Variants in NEK7 observed in about 807,000 individuals in gnomAD.
NEK7 encodes NIMA related kinase 7.
NEK7 carries 18 observed loss-of-function variants against 44.6 expected under a neutral mutation model. The ratio of observed to expected loss-of-function variants is 0.40; its 90% CI spans 0.28 to 0.60. The LOEUF is 0.60. NEK7 is among the 20% of genes least tolerant of loss of function. The pLI is 0.38. For synonymous variants in NEK7, 130 were observed against 121.1 expected (o/e 1.07, Z -0.48); for missense variants, 256 against 366.5 (o/e 0.70, Z 2.46).
chr1:198,249,461 G>A (rs1309394584), intron 2 of NEK7, among the ~76,000 whole-genome samples: 2 of 151,694 alleles, frequency 1.3e-5, no homozygotes, highest in Non-Finnish European at 2.9e-5. Context: ...CTGAGGAATC[G>A]CCACACTGAC....
At chr1:198,317,877 A>ATTT (rs34704209) in intron 9 of NEK7, among the ~76,000 whole-genome samples, 14,899 of 68,654 alleles carry the variant, frequency 0.22, 1,734 homozygotes, top group Non-Finnish European at 0.28. Context: ...GGATATATTT[A>ATTT]TTTTTTTTTT....
At chr1:198,317,482 G>A (rs935217009) in intron 9 of NEK7, among the ~76,000 whole-genome samples, 3 of 152,126 alleles carry the variant, frequency 2.0e-5, no homozygotes, top group Admixed American at 6.5e-5. Flanking sequence ...TCAACTAAAC[G>A]TGCATCATTA....
intron 3 of NEK7, chr1:198,256,299 T>C (rs1653260709): frequency 6.4e-7 from 1 of 1,551,348 alleles, no homozygotes; most frequent in Non-Finnish European, 8.7e-7. Flanking sequence ...TAACAAAGGA[T>C]GTGTTCAGCT....
Position 198,230,483 on chromosome 1 carries a change from T to G in NEK7, c.-28-2070T>G, listed in dbSNP as rs377731709. Among the ~76,000 whole-genome samples the G allele has an allele frequency of 8.0e-5, 12 of 150,906 alleles. No individual in the cohort carries two copies. In the East Asian group the frequency reaches 1.3e-3, roughly 17 times the overall value. ...TTTTTAATAAAAATCTAACATCTAT[T>G]CTTTGTAAAAACTTCCAGCAAACAA... is the stretch of plus-strand genomic sequence containing the variant. On this transcript the variant is annotated intron_variant, in intron 1 of 9. Transcript: ENST00000367385.
chr1:198,248,213 T>C (rs373819353), intron 2 of NEK7, among the ~76,000 whole-genome samples: 3 of 152,316 alleles, frequency 2.0e-5, no homozygotes, highest in East Asian at 3.9e-4. Context: ...TTTTTTGTTA[T>C]ATTTTAAACA....
chr1:198,229,871 GT>G (rs1666335236), intron 1 of NEK7, among the ~76,000 whole-genome samples: 1 of 152,008 alleles, frequency 6.6e-6, no homozygotes, highest in African/African-American at 2.4e-5. Flanking sequence ...TGAGTTTTAT[GT>G]TTCTTTTTTC....
intron 1 of NEK7, among the ~76,000 whole-genome samples, chr1:198,183,829 C>T (rs1024208857): frequency 2.6e-5 from 4 of 152,124 alleles, no homozygotes; most frequent in Admixed American, 1.3e-4. Context: ...GCATGTGACT[C>T]GAGACGTTTT....
At position 198,205,047 on chromosome 1, in the gene NEK7, CCTT is replaced by C. The variant is rs556835848; in HGVS notation, c.-28-27500_-28-27498del. On this transcript the variant is annotated intron_variant, in intron 1 of 9. Coordinates refer to ENST00000367385, the MANE Select transcript of NEK7 (RefSeq NM_133494.3). ...CTGTTGCTGCTCCCCGTCCCCCCTT[CCTT>C]CTTCTCCTACTTCCACTAAGTAATC... 3.8e-3 allele frequency among the ~76,000 whole-genome samples: 573 copies of C among 152,260 alleles called. 3 individuals are homozygous for C. Among genetic ancestry groups the C allele is most frequent in the African/African-American group, 0.012 (504 of 41,552 alleles).
chr1:198,178,455 A>G (rs1183131564), intron 1 of NEK7, among the ~76,000 whole-genome samples: 1 of 152,100 alleles, frequency 6.6e-6, no homozygotes, highest in Non-Finnish European at 1.5e-5. Flanking sequence ...AATATTGACC[A>G]GACTGTGTTC....
intron 5 of NEK7, among the ~76,000 whole-genome samples, chr1:198,266,050 A>G (rs530369272): frequency 5.3e-5 from 8 of 152,124 alleles, no homozygotes; most frequent in African/African-American, 1.9e-4. Flanking sequence ...AACCTTCCCA[A>G]CTTTACTTAC....
chr1:198,311,666 A>G (rs1181762847), intron 9 of NEK7, among the ~76,000 whole-genome samples: 1 of 152,198 alleles, frequency 6.6e-6, no homozygotes, highest in Non-Finnish European at 1.5e-5. Flanking sequence ...GAATTTTGTC[A>G]AAGGCCTTTT....
At position 198,279,069 on chromosome 1, in the gene NEK7, A is replaced by T; in HGVS notation, c.589+8A>T. On this transcript the variant is annotated splice_region_variant and intron_variant, in intron 7 of 9. Transcript: ENST00000367385. ...CAGCTGCACATTCTTTAGGTAAGAG[A>T]CACAATATAATTTCATTCAGTTACT... The T allele has an allele frequency of 6.5e-7, 1 of 1,536,206 alleles. No homozygotes were observed. Among genetic ancestry groups the T allele is most frequent in the Non-Finnish European group, 9.0e-7 (1 of 1,110,046 alleles).
chr1:198,304,500 A>G (rs1654973118), intron 9 of NEK7, among the ~76,000 whole-genome samples: 1 of 152,184 alleles, frequency 6.6e-6, no homozygotes, highest in South Asian at 2.1e-4. Flanking sequence ...ACATAACATA[A>G]TTGGTCTCAG....
intron 1 of NEK7, among the ~76,000 whole-genome samples, chr1:198,195,233 G>A (rs942148098): frequency 1.3e-5 from 2 of 152,058 alleles, no homozygotes; most frequent in African/African-American, 4.8e-5. Flanking sequence ...TGACATGTAA[G>A]TACCTTTCAG....
At chr1:198,192,250 C>T (rs917864119) in intron 1 of NEK7, among the ~76,000 whole-genome samples, 8 of 149,312 alleles carry the variant, frequency 5.4e-5, no homozygotes, top group African/African-American at 1.5e-4. Flanking sequence ...TTATGCTGCT[C>T]TGTAATTTTT....
At chr1:198,235,229 G>A (rs1255839718) in intron 2 of NEK7, among the ~76,000 whole-genome samples, 1 of 152,124 alleles carries the variant, frequency 6.6e-6, no homozygotes, top group Non-Finnish European at 1.5e-5. Flanking sequence ...GTTTCAAAAT[G>A]AATACTCTCA....
At chr1:198,248,592 A>C (rs949207568) in intron 2 of NEK7, among the ~76,000 whole-genome samples, 4 of 152,326 alleles carry the variant, frequency 2.6e-5, no homozygotes, top group African/African-American at 9.6e-5. Flanking sequence ...ATATCAAAAA[A>C]TGTTATTTAA....
intron 5 of NEK7, among the ~76,000 whole-genome samples, chr1:198,274,152 C>T (rs1399951789): frequency 6.6e-6 from 1 of 151,144 alleles, no homozygotes; most frequent in Non-Finnish European, 1.5e-5. Flanking sequence ...CAGCTGGTGC[C>T]TGTAATTCTA....
intron 2 of NEK7, among the ~76,000 whole-genome samples, chr1:198,244,203 T>C (rs1666766018): frequency 6.6e-6 from 1 of 152,142 alleles, no homozygotes; most frequent in Non-Finnish European, 1.5e-5. Context: ...ATGAAAACCT[T>C]ATTAATGGTG....
Sources: allele counts gnomAD v4.1 joint callset (sites outside exome capture counted in the v4.1 genomes callset), GRCh38; gene constraint gnomAD v4.1.1; transcripts MANE v1.5; gene names NCBI Gene and HGNC (gene_info 2026-07-23, HGNC 2026-07-21).